MSI2: variants seen among roughly 807,000 people sequenced by gnomAD.
The protein encoded by MSI2 is RNA-binding protein Musashi homolog 2.
Under a neutral mutation model 45.6 loss-of-function variants are expected in MSI2, and 17 were observed. The observed-to-expected ratio is 0.37, with a 90% CI of 0.26 to 0.56. The LOEUF is 0.56. Among genes scored for constraint, MSI2 ranks in the 20% least tolerant of loss-of-function variants. The probability of loss-of-function intolerance (pLI) is 0.77; values close to 1 mark genes in which losing one functional copy is unlikely to be tolerated. For synonymous variants in MSI2, 156 were observed against 158.2 expected (o/e 0.99, Z 0.11); for missense variants, 293 against 444.2 (o/e 0.66, Z 3.06).
chr17:57,367,236 C>CG (rs1408919369), intron 5 of MSI2, among the ~76,000 whole-genome samples: 19 of 152,122 alleles, frequency 1.2e-4, no homozygotes, highest in African/African-American at 4.3e-4. Flanking sequence ...AATGGCTTCA[C>CG]GCTTGGTGAA....
At chr17:57,272,525 A>G (rs1053050044) in intron 5 of MSI2, among the ~76,000 whole-genome samples, 3 of 152,234 alleles carry the variant, frequency 2.0e-5, no homozygotes, top group Admixed American at 1.3e-4. Flanking sequence ...TATTGGTGGC[A>G]TAATTAAACA....
intron 5 of MSI2, among the ~76,000 whole-genome samples, chr17:57,394,882 C>A (rs1034614046): frequency 2.0e-5 from 3 of 152,236 alleles, no homozygotes; most frequent in Non-Finnish European, 4.4e-5. Context: ...CCGAATAGAT[C>A]TCTGTATTAG....
intron 6 of MSI2, among the ~76,000 whole-genome samples, chr17:57,404,974 A>G (rs1598223700): frequency 1.3e-5 from 2 of 152,210 alleles, no homozygotes; most frequent in South Asian, 2.1e-4. Flanking sequence ...ACTGAGGTTA[A>G]CAGCTAACAG....
chr17:57,420,512 C>G (rs187202188), intron 6 of MSI2, among the ~76,000 whole-genome samples: 1 of 152,192 alleles, frequency 6.6e-6, no homozygotes, highest in Non-Finnish European at 1.5e-5. Context: ...GAAGAGTCTC[C>G]GAGACCGTTA....
At chr17:57,373,888 T>C (rs2083455869) in intron 5 of MSI2, among the ~76,000 whole-genome samples, 1 of 152,238 alleles carries the variant, frequency 6.6e-6, no homozygotes, top group African/African-American at 2.4e-5. Flanking sequence ...AATATACTAC[T>C]TTCCCTTTCA....
Position 57,256,559 on chromosome 17 carries a change from G to GTGTGACGGCTCTCGCCGC in MSI2, c.-181_-164dup. 2.6e-6 allele frequency: 1 copy of GTGTGACGGCTCTCGCCGC among 379,174 alleles called. No homozygotes were observed. Among genetic ancestry groups the GTGTGACGGCTCTCGCCGC allele is most frequent in the Non-Finnish European group, 4.6e-6 (1 of 215,450 alleles). The allele number at this position is 379,174 out of a possible 1,614,324, so 23.5% of individuals were successfully genotyped here. ...CGGGGCTGAGCTAAGCCGAGCCCAC[G>GTGTGACGGCTCTCGCCGC]TGTGACGGCTCTCGCCGCTGCCCCG... On this transcript the variant is annotated 5_prime_UTR_variant, in exon 1 of 14. Coordinates refer to ENST00000284073, the MANE Select transcript of MSI2 (RefSeq NM_138962.4).
chr17:57,532,348 C>T (rs921435472), intron 7 of MSI2: 44 of 152,332 alleles, frequency 2.9e-4, no homozygotes, highest in African/African-American at 1.1e-3. Context: ...ATCCCACTGC[C>T]CTCCCTCTCA....
chr17:57,473,957 T>C (rs2085488900), intron 6 of MSI2, among the ~76,000 whole-genome samples: 1 of 152,202 alleles, frequency 6.6e-6, no homozygotes, highest in Non-Finnish European at 1.5e-5. Context: ...CCCAGACTTA[T>C]TATGATTTTG....
chr17:57,618,604 C>T lies in MSI2; in HGVS notation c.652+2520C>T, dbSNP rs911238441. On this transcript the variant is annotated intron_variant, in intron 9 of 13. Coordinates refer to ENST00000284073, the MANE Select transcript of MSI2 (RefSeq NM_138962.4). ...CTGTCGCCAGGCTGGAGTGCCGTGGCGCGATCTCAGCTCACTGCAACCTCC... is the reference window on the plus strand; with the variant it reads ...CTGTCGCCAGGCTGGAGTGCCGTGGTGCGATCTCAGCTCACTGCAACCTCC... Among the ~76,000 whole-genome samples the T allele has an allele frequency of 9.2e-5, 14 of 152,268 alleles. No homozygotes were observed. In the East Asian group the frequency reaches 1.4e-3, roughly 15 times the overall value.
chr17:57,632,659 T>C, intron 10 of MSI2: 2 of 1,065,964 alleles, frequency 1.9e-6, no homozygotes, highest in Non-Finnish European at 2.3e-6. Flanking sequence ...GAAGGATCTT[T>C]TCCCATGGCT....
At chr17:57,521,420 A>G (rs970904699) in intron 6 of MSI2, among the ~76,000 whole-genome samples, 16 of 152,194 alleles carry the variant, frequency 1.1e-4, no homozygotes, top group African/African-American at 3.6e-4. Flanking sequence ...TGATGGGAAA[A>G]AAAACAATGG....
intron 6 of MSI2, among the ~76,000 whole-genome samples, chr17:57,502,602 G>GATATATATATAGAT (rs1555614731): frequency 1.3e-4 from 7 of 54,416 alleles, no homozygotes; most frequent in Admixed American, 2.5e-4. Flanking sequence ...ATGACTCTGA[G>GATATATATATAGAT]ATATATATAT....
chr17:57,521,494 G>C (rs931619887), intron 6 of MSI2, among the ~76,000 whole-genome samples: 5 of 152,188 alleles, frequency 3.3e-5, no homozygotes, highest in African/African-American at 1.2e-4. Flanking sequence ...TTCTCATATA[G>C]AACTTTGGCT....
chr17:57,547,721 G>C (rs2087201097), intron 7 of MSI2, among the ~76,000 whole-genome samples: 1 of 142,264 alleles, frequency 7.0e-6, no homozygotes, highest in South Asian at 2.3e-4. Flanking sequence ...GTGATGTTTA[G>C]TAGTTGCATA....
intron 5 of MSI2, chr17:57,262,399 G>A (rs1907396435): frequency 2.0e-6 from 1 of 490,388 alleles, no homozygotes; most frequent in Non-Finnish European, 3.6e-6. Context: ...CATCCACCTG[G>A]GGGCAGGGAC....
chr17:57,663,386 T>C (rs1263986402), intron 11 of MSI2, among the ~76,000 whole-genome samples: 1 of 152,216 alleles, frequency 6.6e-6, no homozygotes, highest in African/African-American at 2.4e-5. Context: ...AGGTCTGTGG[T>C]AAACATTTGA....
chr17:57,259,164 T>A (rs1459493133), intron 4 of MSI2, among the ~76,000 whole-genome samples: 4 of 152,088 alleles, frequency 2.6e-5, no homozygotes, highest in South Asian at 2.1e-4. Flanking sequence ...TTCCTGCCTC[T>A]CCTCCCTTCC....
chr17:57,383,934 G>A (rs892433522), intron 5 of MSI2, among the ~76,000 whole-genome samples: 1 of 152,228 alleles, frequency 6.6e-6, no homozygotes, highest in Non-Finnish European at 1.5e-5. Flanking sequence ...CTCAGAGTTT[G>A]CTGATAGCTG....
Position 57,359,056 on chromosome 17 carries a change from C to T in MSI2, c.313-42323C>T, listed in dbSNP as rs117856953. Among the ~76,000 whole-genome samples, 25 of 152,304 alleles carry T rather than the reference C, an allele frequency of 1.6e-4. 1 individual carries two copies. In the East Asian group the frequency reaches 4.8e-3, roughly 29 times the overall value. ...GGAACTGTTCAGCAGAGCAGGTGAA[C>T]AGGTGGTCCTGCCATCCCAGTGGCA... On this transcript the variant is annotated intron_variant, in intron 5 of 13. Transcript: ENST00000284073.
Sources: gnomAD v4.1 joint callset for allele counts (sites outside exome capture counted in the v4.1 genomes callset) on GRCh38, gnomAD v4.1.1 for gene constraint, MANE v1.5 for transcripts, NCBI Gene and HGNC (gene_info 2026-07-23, HGNC 2026-07-21) for gene names.